The following FNBP1L variants were observed in gnomAD, a reference collection of about 807,000 sequenced individuals.
FNBP1L encodes the protein formin-binding protein 1-like.
A neutral mutation model predicts 91.2 loss-of-function variants in FNBP1L; 36 were observed. That is an observed-to-expected ratio of 0.39 (90% CI 0.30 to 0.52). The LOEUF (loss-of-function observed/expected upper bound fraction) is 0.52. Ranked by LOEUF, FNBP1L falls within the 20% of genes least tolerant of loss-of-function variation. The pLI is 0.66. For synonymous variants in FNBP1L, 242 were observed against 237.0 expected (o/e 1.02, Z -0.19); for missense variants, 571 against 732.1 (o/e 0.78, Z 2.54).
intron 11 of FNBP1L, among the ~76,000 whole-genome samples, chr1:93,541,344 A>G (rs1391388488): frequency 6.6e-6 from 1 of 152,204 alleles, no homozygotes; most frequent in African/African-American, 2.4e-5. Context: ...TAAAGATTAC[A>G]TGGTAGAGCC....
intron 1 of FNBP1L, among the ~76,000 whole-genome samples, chr1:93,455,503 A>G (rs1668633363): frequency 6.6e-6 from 1 of 152,170 alleles, no homozygotes; most frequent in Non-Finnish European, 1.5e-5. Flanking sequence ...GCCACATGCC[A>G]TTTTATAAGG....
At chr1:93,534,541 G>T (rs1235348097) in intron 8 of FNBP1L, among the ~76,000 whole-genome samples, 164 bp from the exon 9 acceptor site, 1 of 152,010 alleles carries the variant, frequency 6.6e-6, no homozygotes, top group East Asian at 1.9e-4. Context: ...AATACTTTGA[G>T]TTTGTTACAC....
chr1:93,552,501 C>A lies in FNBP1L; in HGVS notation c.*85C>A. 1 of 1,487,866 alleles carries A rather than the reference C, an allele frequency of 6.7e-7. No homozygotes were observed. The highest frequency in any genetic ancestry group is 9.1e-7 in the Non-Finnish European group (1 of 1,095,884). 92.2% of individuals were successfully genotyped at this position (1,487,866 alleles called of 1,614,324 possible). A position where few individuals can be genotyped will look rare whatever the true frequency, so the allele number is the denominator to read the frequency against. ...GGGAGGGTATTAGAGTTGTCAGGCT[C>A]AAAGAGAGTGAGAGAAGCAAGTTGC... On this transcript the variant is annotated 3_prime_UTR_variant, in exon 17 of 17. Coordinates refer to ENST00000271234, the MANE Select transcript of FNBP1L (RefSeq NM_001164473.3).
chr1:93,496,232 C>A (rs1242702460), intron 1 of FNBP1L, among the ~76,000 whole-genome samples: 1 of 150,550 alleles, frequency 6.6e-6, no homozygotes, highest in Non-Finnish European at 1.5e-5. Context: ...CTCTCCCCCT[C>A]CCCACCTCCC....
intron 1 of FNBP1L, among the ~76,000 whole-genome samples, chr1:93,468,985 T>C (rs1425746261): frequency 6.6e-6 from 1 of 152,198 alleles, no homozygotes; most frequent in African/African-American, 2.4e-5. Flanking sequence ...GTGGTTTTGA[T>C]TTACATTTAC....
chr1:93,493,791 T>C (rs1670175017), intron 1 of FNBP1L, among the ~76,000 whole-genome samples: 1 of 152,194 alleles, frequency 6.6e-6, no homozygotes, highest in East Asian at 1.9e-4. Context: ...GTTGCTTCCA[T>C]AATGCTGCTA....
At chr1:93,544,013 A>G (rs1672134040) in intron 11 of FNBP1L, 94 bp from the exon 12 acceptor site, 1 of 828,504 alleles carries the variant, frequency 1.2e-6, no homozygotes, top group South Asian at 2.9e-5. Context: ...AATTAAACTT[A>G]AGATTGGTAT....
chr1:93,448,326 C>T, intron 1 of FNBP1L, 21 bp downstream of exon 1: 1 of 1,501,698 alleles, frequency 6.7e-7, no homozygotes, highest in Non-Finnish European at 8.9e-7. Flanking sequence ...GAGAGGGGCG[C>T]CCCGCACGGA....
intron 2 of FNBP1L, among the ~76,000 whole-genome samples, chr1:93,520,682 GTTTGCACCAT>G (rs1393690257): frequency 6.6e-6 from 1 of 152,046 alleles, no homozygotes; most frequent in Non-Finnish European, 1.5e-5. Context: ...GGTAGGTACT[GTTTGCACCAT>G]TTATAGGAAA....
rs1263347905 is a variant in FNBP1L at position 93,490,489 on chromosome 1, A to T, written c.25-8979A>T. Among the ~76,000 whole-genome samples, 5 of 152,320 alleles carry T rather than the reference A, an allele frequency of 3.3e-5. No homozygotes were observed. The East Asian group carries it at 9.6e-4, about 29-fold the overall frequency. On this transcript the variant is annotated intron_variant, in intron 1 of 16. Transcript: ENST00000271234. Reference sequence around the variant, plus strand: ...AGATTTAAATTAGAGCTCACCACTGATACAGAGATTCATTTCACACAAGCT... The same window carrying T: ...AGATTTAAATTAGAGCTCACCACTGTTACAGAGATTCATTTCACACAAGCT...
intron 8 of FNBP1L, among the ~76,000 whole-genome samples, chr1:93,533,330 C>T (rs1015011370): frequency 6.6e-6 from 1 of 151,696 alleles, no homozygotes; most frequent in Non-Finnish European, 1.5e-5. Context: ...AAGAGTCTAA[C>T]CTAGGAACTG....
Position 93,534,842 on chromosome 1 carries a change from G to A in FNBP1L, c.924G>A (p.Lys308=). ...GTGCATCCAAACAGGAGAGTGGGAA[G>A]ATGGATGCCAAAACCACAGTAGGAA... The part of the protein sequence containing the change: ...TISASKQESG[K]MDAKTTVGKA... Residue 308 remains lysine, a synonymous_variant, in exon 9 of 17, where the codon AAG becomes AAA. Coordinates refer to ENST00000271234, the MANE Select transcript of FNBP1L (RefSeq NM_001164473.3). 1 of 1,580,090 alleles carries A rather than the reference G, an allele frequency of 6.3e-7. No individual in the cohort carries two copies. Among genetic ancestry groups the A allele is most frequent in the Non-Finnish European group, 8.6e-7 (1 of 1,161,734 alleles).
intron 1 of FNBP1L, among the ~76,000 whole-genome samples, chr1:93,483,973 G>T (rs1009014112): frequency 6.6e-6 from 1 of 152,214 alleles, no homozygotes; most frequent in Non-Finnish European, 1.5e-5. Flanking sequence ...CTGTTGCCCA[G>T]GCCAGAGTGC....
chr1:93,475,735 TAAG>T (rs1669472321), intron 1 of FNBP1L, among the ~76,000 whole-genome samples: 1 of 152,204 alleles, frequency 6.6e-6, no homozygotes, highest in African/African-American at 2.4e-5. Flanking sequence ...CTGCTATTCA[TAAG>T]AAATTATGCA....
intron 1 of FNBP1L, among the ~76,000 whole-genome samples, chr1:93,479,428 G>A (rs544852045): frequency 1.3e-4 from 20 of 152,286 alleles, no homozygotes; most frequent in Admixed American, 3.3e-4. Context: ...ACAGAAAACA[G>A]CGTTCCAGAG....
rs1233360179 is a variant in FNBP1L at position 93,529,649 on chromosome 1, C to T, written c.406-3C>T. Reference sequence around the variant, plus strand: ...CAGTGTGATATTTTAATTTTTTTAACAGAGTAAAAAGAAGTTTGAAAGAGA... The same window carrying T: ...CAGTGTGATATTTTAATTTTTTTAATAGAGTAAAAAGAAGTTTGAAAGAGA... On this transcript the variant is annotated splice_polypyrimidine_tract_variant and splice_region_variant and intron_variant, in intron 5 of 16. Coordinates refer to ENST00000271234, the MANE Select transcript of FNBP1L (RefSeq NM_001164473.3). 6.9e-7 allele frequency: 1 copy of T among 1,459,690 alleles called. No homozygotes were observed. Among genetic ancestry groups the T allele is most frequent in the Non-Finnish European group, 9.1e-7 (1 of 1,102,164 alleles). 90.4% of individuals were successfully genotyped at this position (1,459,690 alleles called of 1,614,324 possible). A position where few individuals can be genotyped will look rare whatever the true frequency, so the allele number is the denominator to read the frequency against.
At chr1:93,544,064 T>A in intron 11 of FNBP1L, 43 bp from the exon 12 acceptor site, 1 of 1,404,060 alleles carries the variant, frequency 7.1e-7, no homozygotes, top group Non-Finnish European at 9.7e-7. Flanking sequence ...AAAATAAAAT[T>A]TCCCGAAAAT....
At position 93,524,331 on chromosome 1, in the gene FNBP1L, AT is replaced by A; in HGVS notation, c.405+9del. On this transcript the variant is annotated intron_variant, in intron 5 of 16. Coordinates refer to ENST00000271234, the MANE Select transcript of FNBP1L (RefSeq NM_001164473.3). The stretch of plus-strand genomic sequence containing the variant: ...TGGAAACAGATGGATAATGTGAGTT[AT>A]GACATTTTCATGGTTAACATAAAAT... The A allele has an allele frequency of 6.7e-7, 1 of 1,485,122 alleles. No individual in the cohort carries two copies. Among genetic ancestry groups the A allele is most frequent in the Non-Finnish European group, 9.0e-7 (1 of 1,116,812 alleles). The allele number at this position is 1,485,122 out of a possible 1,614,324, so 92.0% of individuals were successfully genotyped here.
chr1:93,516,377 C>T (rs1671115761), intron 2 of FNBP1L, among the ~76,000 whole-genome samples: 1 of 152,182 alleles, frequency 6.6e-6, no homozygotes, highest in Non-Finnish European at 1.5e-5. Flanking sequence ...CCCTCCTTGT[C>T]CACTTACGGT....
Sources: gnomAD v4.1 joint callset for allele counts (sites outside exome capture counted in the v4.1 genomes callset) on GRCh38, gnomAD v4.1.1 for gene constraint, MANE v1.5 for transcripts, NCBI Gene and HGNC (gene_info 2026-07-23, HGNC 2026-07-21) for gene names.